Variants in PDE11A observed in about 807,000 individuals in gnomAD.
PDE11A encodes the protein phosphodiesterase 11A.
In PDE11A, 100 loss-of-function variants were observed where a neutral mutation model predicts 100.5. The observed-to-expected ratio is 1.00, with a 90% confidence interval of 0.85 to 1.18. The LOEUF (loss-of-function observed/expected upper bound fraction) is 1.18. PDE11A is among the 50% of genes most tolerant of loss of function. The pLI is 0.00. For synonymous variants in PDE11A, 381 were observed against 420.8 expected (o/e 0.91, Z 1.16); for missense variants, 1,141 against 1,152.6 (o/e 0.99, Z 0.15).
intron 6 of PDE11A, among the ~76,000 whole-genome samples, chr2:177,833,648 T>C (rs2083345297): frequency 6.6e-6 from 1 of 152,242 alleles, no homozygotes; most frequent in Non-Finnish European, 1.5e-5. Flanking sequence ...AAAGTTGATG[T>C]ATCCATAGTA....
At chr2:177,759,205 A>G (rs989743002) in intron 10 of PDE11A, among the ~76,000 whole-genome samples, 17 of 149,930 alleles carry the variant, frequency 1.1e-4, no homozygotes, top group East Asian at 2.0e-4. Context: ...ACACACACGC[A>G]CACACAAATG....
rs764375481 is a variant in PDE11A at position 177,840,241 on chromosome 2, C to A, written c.1500+10G>T. The A allele has an allele frequency of 3.8e-5, 62 of 1,613,712 alleles. No individual in the cohort carries two copies. The highest frequency in any genetic ancestry group is 5.0e-5 in the Non-Finnish European group (59 of 1,179,738). Reference sequence around the variant, plus strand: ...AAACTTAGGATTGCAACCAGAGGGGCTCCTCTTACCTCTGCATCAAAGCGC... The same window carrying A: ...AAACTTAGGATTGCAACCAGAGGGGATCCTCTTACCTCTGCATCAAAGCGC... On this transcript the variant is annotated intron_variant, in intron 6 of 19. Transcript: ENST00000286063.
chr2:177,990,155 G>A (rs1182943900), intron 2 of PDE11A, among the ~76,000 whole-genome samples: 2 of 152,124 alleles, frequency 1.3e-5, no homozygotes, highest in African/African-American at 4.8e-5. Flanking sequence ...GATAGAGGTG[G>A]AATAAGGATT....
intron 2 of PDE11A, among the ~76,000 whole-genome samples, chr2:177,906,199 ACG>A (rs2084785170): frequency 1.3e-5 from 2 of 148,224 alleles, no homozygotes; most frequent in South Asian, 2.1e-4. Context: ...GCACGCACGC[ACG>A]CACACAATGG....
At chr2:177,822,579 G>C (rs947147268) in intron 6 of PDE11A, among the ~76,000 whole-genome samples, 15 of 151,994 alleles carry the variant, frequency 9.9e-5, no homozygotes, top group African/African-American at 3.1e-4. Flanking sequence ...TTTGACCTCT[G>C]GCATTTACAT....
intron 2 of PDE11A, among the ~76,000 whole-genome samples, chr2:178,001,306 G>A (rs1367011192): frequency 6.6e-6 from 1 of 151,586 alleles, no homozygotes; most frequent in Admixed American, 6.6e-5. Flanking sequence ...GTGTGTGTGT[G>A]TGTGTAGTAG....
intron 2 of PDE11A, chr2:177,921,882 A>G (rs989186522): frequency 2.0e-5 from 3 of 152,236 alleles, no homozygotes; most frequent in Non-Finnish European, 4.4e-5. Flanking sequence ...AAAAGTATCT[A>G]CAGCTGGACT....
At chr2:177,762,449 G>A (rs2082183181) in intron 10 of PDE11A, among the ~76,000 whole-genome samples, 1 of 152,218 alleles carries the variant, frequency 6.6e-6, no homozygotes, top group South Asian at 2.1e-4. Context: ...TGTTCTGGAA[G>A]GTTCTGATGA....
chr2:177,695,757 C>T (rs1031147087), intron 15 of PDE11A, among the ~76,000 whole-genome samples: 5 of 152,152 alleles, frequency 3.3e-5, no homozygotes, highest in Admixed American at 2.0e-4. Context: ...GCTAAGCATT[C>T]TATATACTGA....
At chr2:177,939,610 T>G (rs529765246) in intron 2 of PDE11A, among the ~76,000 whole-genome samples, 1 of 152,070 alleles carries the variant, frequency 6.6e-6, no homozygotes, top group South Asian at 2.1e-4. Context: ...ACCAAGACAC[T>G]AGATCCAACT....
At chr2:177,973,264 G>A (rs1361750679) in intron 2 of PDE11A, among the ~76,000 whole-genome samples, 5 of 130,490 alleles carry the variant, frequency 3.8e-5, no homozygotes, top group Non-Finnish European at 8.1e-5. Flanking sequence ...GCGAGGCATT[G>A]CCTCACCTGG....
chr2:177,801,379 G>T (rs187970524), intron 9 of PDE11A, among the ~76,000 whole-genome samples: 1 of 152,004 alleles, frequency 6.6e-6, no homozygotes, highest in East Asian at 1.9e-4. Flanking sequence ...CTGAGTCCTC[G>T]GTATGGAGAA....
intron 5 of PDE11A, among the ~76,000 whole-genome samples, chr2:177,865,097 G>A (rs1024260518): frequency 3.9e-5 from 6 of 152,104 alleles, no homozygotes; most frequent in African/African-American, 1.4e-4. Flanking sequence ...TGGCCAACAT[G>A]GCAAAACCCA....
chr2:177,799,910 G>C (rs1426576039), intron 9 of PDE11A, among the ~76,000 whole-genome samples: 1 of 152,082 alleles, frequency 6.6e-6, no homozygotes, highest in Non-Finnish European at 1.5e-5. Flanking sequence ...GTATGATGGT[G>C]GGGGGTGGGG....
chr2:177,830,957 G>A (rs1055758928), intron 6 of PDE11A, among the ~76,000 whole-genome samples: 1 of 152,162 alleles, frequency 6.6e-6, no homozygotes, highest in African/African-American at 2.4e-5. Context: ...GCTCACAAAT[G>A]TAGTTCTAGC....
intron 4 of PDE11A, among the ~76,000 whole-genome samples, chr2:177,879,532 G>A (rs1350777695): frequency 6.6e-6 from 1 of 152,196 alleles, no homozygotes; most frequent in Non-Finnish European, 1.5e-5. Flanking sequence ...CAGTTATGGA[G>A]CTTGCTTTAT....
intron 1 of PDE11A, among the ~76,000 whole-genome samples, chr2:178,058,855 G>A (rs2086931137): frequency 6.6e-6 from 1 of 152,094 alleles, no homozygotes. Flanking sequence ...ATGGAAGTTA[G>A]TGGAAAAAAG....
At chr2:177,714,587 G>T (rs1224708835) in intron 12 of PDE11A, among the ~76,000 whole-genome samples, 1 of 152,144 alleles carries the variant, frequency 6.6e-6, no homozygotes, top group Admixed American at 6.5e-5. Flanking sequence ...GAACACTGGC[G>T]ACGTCTAGCA....
chr2:177,775,063 A>T (rs2082360269), intron 9 of PDE11A, among the ~76,000 whole-genome samples: 1 of 152,212 alleles, frequency 6.6e-6, no homozygotes, highest in South Asian at 2.1e-4. Context: ...GGAAGGGGCC[A>T]CGAGCACAGA....
Sources: allele counts gnomAD v4.1 joint callset (sites outside exome capture counted in the v4.1 genomes callset), GRCh38; gene constraint gnomAD v4.1.1; transcripts MANE v1.5; gene names NCBI Gene and HGNC (gene_info 2026-07-23, HGNC 2026-07-21).